EHBP1: variants seen among roughly 807,000 people sequenced by gnomAD.
EHBP1 encodes EH domain-binding protein 1.
EHBP1 carries 55 observed loss-of-function variants against 144.0 expected under a neutral mutation model. The observed-to-expected ratio is 0.38, with a 90% CI of 0.31 to 0.48. The LOEUF (loss-of-function observed/expected upper bound fraction) is 0.48, where lower values mean the gene tolerates loss of function less well. EHBP1 is among the 20% of genes least tolerant of loss of function. EHBP1 has a pLI of 0.98. For missense variants in EHBP1, 1,200 were observed against 1,364.2 expected, an observed-to-expected ratio of 0.88 and a Z score of 1.90; for synonymous variants, 469 against 472.7, an observed-to-expected ratio of 0.99 and a Z score of 0.10.
At chr2:62,857,091 C>T (rs1007271290) in intron 7 of EHBP1, among the ~76,000 whole-genome samples, 1 of 152,138 alleles carries the variant, frequency 6.6e-6, no homozygotes, top group African/African-American at 2.4e-5. Flanking sequence ...GCAAATTCTT[C>T]CCTATAGGCT....
intron 5 of EHBP1, among the ~76,000 whole-genome samples, chr2:62,790,248 C>T (rs2043085180): frequency 2.0e-5 from 3 of 152,090 alleles, no homozygotes; most frequent in South Asian, 4.1e-4. Flanking sequence ...TTGCTAAAAA[C>T]GTCAAAATAC....
intron 10 of EHBP1, among the ~76,000 whole-genome samples, chr2:62,906,991 A>G (rs1483525973): frequency 6.6e-6 from 1 of 152,182 alleles, no homozygotes; most frequent in Non-Finnish European, 1.5e-5. Context: ...CCTTCTTATT[A>G]CTAAGTAGTA....
chr2:63,039,694 G>A (rs988151534), intron 21 of EHBP1, among the ~76,000 whole-genome samples: 1 of 152,108 alleles, frequency 6.6e-6, no homozygotes, highest in Admixed American at 6.5e-5. Context: ...ATTTAAGTAC[G>A]TAAGGGAAAG....
chr2:62,842,205 G>T (rs184461725), intron 7 of EHBP1, among the ~76,000 whole-genome samples: 1 of 151,998 alleles, frequency 6.6e-6, no homozygotes. Context: ...TCCTGCCTCA[G>T]CCTCCCGAGT....
At chr2:62,830,126 T>C (rs2046696022) in intron 6 of EHBP1, among the ~76,000 whole-genome samples, 1 of 149,892 alleles carries the variant, frequency 6.7e-6, no homozygotes, top group Non-Finnish European at 1.5e-5. Context: ...ATTAAAAATA[T>C]GTGGTGCATA....
chr2:62,856,698 G>C (rs998201175), intron 7 of EHBP1, among the ~76,000 whole-genome samples: 9 of 152,272 alleles, frequency 5.9e-5, no homozygotes, highest in Admixed American at 1.3e-4. Context: ...TACATCCCAA[G>C]GATCCTGTAA....
intron 5 of EHBP1, among the ~76,000 whole-genome samples, chr2:62,797,154 G>C (rs1002443224): frequency 6.6e-6 from 1 of 152,136 alleles, no homozygotes; most frequent in Non-Finnish European, 1.5e-5. Flanking sequence ...ATTTCTGTTT[G>C]TTTGTTTTTT....
In EHBP1 at chr2:62,821,583, G is replaced by C. The variant is rs575723833; in HGVS notation, c.313-4504G>C. Among the ~76,000 whole-genome samples the C allele has an allele frequency of 6.6e-5, 10 of 152,268 alleles. No individual in the cohort carries two copies. The East Asian group carries it at 1.9e-3, about 29-fold the overall frequency. ...TAGTCCCAGCTACTTGGGAAGCTGA[G>C]GTAGGAGGATCGCTTGAGCCCTGTA... On this transcript the variant is annotated intron_variant, in intron 5 of 22. Transcript: ENST00000431489.
chr2:62,979,197 G>A lies in EHBP1; in HGVS notation c.2470G>A (p.Glu824Lys). The A allele has an allele frequency of 2.5e-6, 4 of 1,612,730 alleles. No individual in the cohort carries two copies. The highest frequency in any genetic ancestry group is 2.2e-5 in the East Asian group (1 of 44,854). The change falls in exon 15 of 23, where the codon GAA becomes AAA. Residue 824 changes from glutamate (E) to lysine (K), a missense_variant. Around this residue, in one of 6 missense-constraint regions of EHBP1, gnomAD observed 543 missense variants for 513.1 expected, o/e 1.06. Coordinates refer to ENST00000431489, the MANE Select transcript of EHBP1 (RefSeq NM_001142616.3). Reference sequence around the variant, plus strand: ...GTTCAATATATCTTAGCAGCAAGATGAAGAGCGACGTCGGCAGCTGAGAGA... The same window carrying A: ...GTTCAATATATCTTAGCAGCAAGATAAAGAGCGACGTCGGCAGCTGAGAGA... ...CNRQLSDQQD[E>K]ERRRQLRERA...
intron 10 of EHBP1, among the ~76,000 whole-genome samples, chr2:62,938,910 C>G (rs977907246): frequency 7.9e-5 from 12 of 152,038 alleles, no homozygotes; most frequent in African/African-American, 2.9e-4. Flanking sequence ...ATAGGAATTC[C>G]TGCTGATAAT....
In EHBP1 at chr2:62,911,267, A is replaced by C. The variant is rs369190839; in HGVS notation, c.1186-31451A>C. On this transcript the variant is annotated intron_variant, in intron 10 of 22. Transcript: ENST00000431489. ...GGAATAATAATAGTGCTTATCTTAT[A>C]GGACTGTAGTGAGGATTAAACACAT... Among the ~76,000 whole-genome samples, 11 of 152,298 alleles carry C rather than the reference A, an allele frequency of 7.2e-5. No individual in the cohort carries two copies. In the East Asian group the frequency reaches 1.3e-3, roughly 19 times the overall value.
At chr2:62,972,072 T>A (rs1414645849) in intron 14 of EHBP1, among the ~76,000 whole-genome samples, 2 of 152,196 alleles carry the variant, frequency 1.3e-5, no homozygotes, top group African/African-American at 4.8e-5. Flanking sequence ...ATCTTTTAAG[T>A]AACAGCAGTT....
At chr2:62,759,405 C>T (rs1188576245) in intron 3 of EHBP1, among the ~76,000 whole-genome samples, 4 of 151,974 alleles carry the variant, frequency 2.6e-5, no homozygotes, top group Non-Finnish European at 5.9e-5. Context: ...ATATGGTGTG[C>T]TTTTTCTTTT....
intron 5 of EHBP1, among the ~76,000 whole-genome samples, chr2:62,824,627 C>T (rs1382046041): frequency 2.0e-5 from 3 of 151,972 alleles, no homozygotes; most frequent in Non-Finnish European, 4.4e-5. Flanking sequence ...AAATCCTTCT[C>T]AAGTGCTTGA....
upstream of EHBP1, among the ~76,000 whole-genome samples, chr2:62,705,237 T>C (rs540752995): frequency 1.5e-4 from 23 of 152,082 alleles, no homozygotes; most frequent in South Asian, 4.1e-4. Flanking sequence ...GCCCAGGTCC[T>C]GGCGGAGATG....
chr2:62,724,223 T>C (rs775318024), intron 2 of EHBP1, among the ~76,000 whole-genome samples: 21 of 152,352 alleles, frequency 1.4e-4, no homozygotes, highest in Middle Eastern at 3.4e-3. Context: ...CAGAAAGCAG[T>C]CTTCAAGCTC....
chr2:62,998,796 G>T (rs1461126450), intron 19 of EHBP1, among the ~76,000 whole-genome samples: 2 of 152,072 alleles, frequency 1.3e-5, no homozygotes, highest in African/African-American at 2.4e-5. Context: ...ATCCTAACTG[G>T]ATCTGCTACT....
intron 19 of EHBP1, among the ~76,000 whole-genome samples, chr2:63,021,887 C>T (rs1449181085): frequency 6.6e-6 from 1 of 151,966 alleles, no homozygotes; most frequent in Non-Finnish European, 1.5e-5. Context: ...CTGCCTCAGC[C>T]TTCTGAGTAG....
At chr2:62,891,569 TTGTTAA>T (rs2052463266) in intron 10 of EHBP1, among the ~76,000 whole-genome samples, 1 of 152,198 alleles carries the variant, frequency 6.6e-6, no homozygotes, top group Non-Finnish European at 1.5e-5. Context: ...CATACTTTTA[TTGTTAA>T]TAGATATTCT....
Sources: gnomAD v4.1 joint callset for allele counts (sites outside exome capture counted in the v4.1 genomes callset) on GRCh38, gnomAD v4.1.1 for gene constraint, gnomAD v4.1.1 regional missense constraint, MANE v1.5 for transcripts, NCBI Gene and HGNC (gene_info 2026-07-23, HGNC 2026-07-21) for gene names.